Variants in CCDC7 observed in about 807,000 individuals in gnomAD.
CCDC7 encodes the protein coiled-coil domain-containing protein 7.
A neutral mutation model predicts 196.9 loss-of-function variants in CCDC7; 183 were observed. That is an observed-to-expected ratio of 0.93 (90% CI 0.82 to 1.05). CCDC7 has a LOEUF of 1.05. CCDC7 is among the 50% of genes least tolerant of loss of function. The pLI is 0.00. For synonymous variants in CCDC7, 525 were observed against 484.6 expected (o/e 1.08, Z -1.10); for missense variants, 1,540 against 1,482.2 (o/e 1.04, Z -0.64).
At chr10:32,612,498 G>A (rs1403369350) in intron 18 of CCDC7, among the ~76,000 whole-genome samples, 2 of 152,078 alleles carry the variant, frequency 1.3e-5, no homozygotes, top group African/African-American at 4.8e-5. Context: ...TCTCGTGCTG[G>A]TTTTCAAAGG....
At chr10:32,677,018 T>C (rs2075099419) in intron 21 of CCDC7, among the ~76,000 whole-genome samples, 2 of 147,834 alleles carry the variant, frequency 1.4e-5, no homozygotes, top group African/African-American at 5.3e-5. Flanking sequence ...GCACATACCA[T>C]GGAATACTAT....
intron 9 of CCDC7, among the ~76,000 whole-genome samples, chr10:32,493,579 G>A (rs76608138): frequency 0.051 from 7,746 of 151,656 alleles, 646 homozygotes; most frequent in African/African-American, 0.17. Flanking sequence ...TGGTCATTCG[G>A]TAGTTCTGTT....
intron 18 of CCDC7, among the ~76,000 whole-genome samples, chr10:32,613,862 T>C (rs1285193241): frequency 6.6e-6 from 1 of 152,214 alleles, no homozygotes; most frequent in Non-Finnish European, 1.5e-5. Flanking sequence ...GAGAAGAATG[T>C]ATATTCTGTT....
chr10:32,469,017 A>G (rs997568884), intron 5 of CCDC7, among the ~76,000 whole-genome samples: 1 of 152,230 alleles, frequency 6.6e-6, no homozygotes, highest in Non-Finnish European at 1.5e-5. Context: ...TCTTGCTGGA[A>G]TCTGTGCCCC....
At position 32,685,962 on chromosome 10, in the gene CCDC7, T is replaced by C; in HGVS notation, c.2123-8T>C. ...ATTTAGTGGAATAAATGTATTTTCT[T>C]TATGTAGCTCATAATGAAGTACCAA... On this transcript the variant is annotated splice_region_variant and splice_polypyrimidine_tract_variant and intron_variant, in intron 21 of 41. Transcript: ENST00000639629. 1 of 1,411,634 alleles carries C rather than the reference T, an allele frequency of 7.1e-7. No homozygotes were observed. Among genetic ancestry groups the C allele is most frequent in the Non-Finnish European group, 9.7e-7 (1 of 1,032,282 alleles). The allele number at this position is 1,411,634 out of a possible 1,614,324, so 87.4% of individuals were successfully genotyped here.
chr10:32,478,988 G>C (rs1314777934), intron 8 of CCDC7, among the ~76,000 whole-genome samples: 2 of 151,966 alleles, frequency 1.3e-5, no homozygotes, highest in Non-Finnish European at 2.9e-5. Flanking sequence ...TTTTAAATAG[G>C]CCTATTCATA....
intron 40 of CCDC7, 71 bp from the exon 42 acceptor site, chr10:32,854,328 AT>A: frequency 2.2e-6 from 2 of 916,646 alleles, no homozygotes; most frequent in South Asian, 3.3e-5. Flanking sequence ...ACTAAGATTT[AT>A]TTTAACATTT....
intron 9 of CCDC7, among the ~76,000 whole-genome samples, chr10:32,494,202 T>C (rs1405310567): frequency 6.6e-6 from 1 of 152,164 alleles, no homozygotes; most frequent in East Asian, 1.9e-4. Context: ...TCATTTTGGG[T>C]CTATTTTTGT....
At chr10:32,533,524 C>T (rs1200763430) in intron 11 of CCDC7, among the ~76,000 whole-genome samples, 2 of 151,668 alleles carry the variant, frequency 1.3e-5, no homozygotes, top group African/African-American at 2.4e-5. Flanking sequence ...TTATTTTGCA[C>T]GTTGGTGTTT....
intron 24 of CCDC7, among the ~76,000 whole-genome samples, chr10:32,698,984 C>G (rs980513034): frequency 3.3e-5 from 5 of 152,168 alleles, no homozygotes; most frequent in Non-Finnish European, 7.4e-5. Context: ...AAGGGAAGCC[C>G]ATCAGACTAA....
Position 32,488,842 on chromosome 10 carries a change from A to G in CCDC7, c.797-3080A>G, listed in dbSNP as rs76735289. Among the ~76,000 whole-genome samples, 1,308 of 152,312 alleles carry G rather than the reference A, an allele frequency of 8.6e-3. 27 individuals carry two copies. Among genetic ancestry groups the G allele is most frequent in the African/African-American group, 0.029 (1,207 of 41,552 alleles). On this transcript the variant is annotated intron_variant, in intron 8 of 41. Coordinates refer to ENST00000639629, the Ensembl canonical transcript of CCDC7. ...CTTCTAGACTTTATGGACTAGTTTT[A>G]TATGAAAAGATCTTCACCTATGGGT...
intron 33 of CCDC7, among the ~76,000 whole-genome samples, chr10:32,837,156 A>T (rs1382374215): frequency 6.6e-6 from 1 of 152,170 alleles, no homozygotes; most frequent in Non-Finnish European, 1.5e-5. Flanking sequence ...AATGGAAGAA[A>T]ATTTTTGCAA....
chr10:32,839,761 A>G lies in CCDC7; in HGVS notation c.3352+4863A>G, dbSNP rs1054574074. 2.0e-5 allele frequency among the ~76,000 whole-genome samples: 3 copies of G among 152,108 alleles called. No homozygotes were observed. In the South Asian group the frequency reaches 6.2e-4, roughly 32 times the overall value. ...TAGACCATATGACAGGCCACAAAACAAGTCTCAGTAAATTTAAGAAAATCG... is the reference window on the plus strand; with the variant it reads ...TAGACCATATGACAGGCCACAAAACGAGTCTCAGTAAATTTAAGAAAATCG... On this transcript the variant is annotated intron_variant, in intron 33 of 41. Transcript: ENST00000639629.
intron 20 of CCDC7, among the ~76,000 whole-genome samples, chr10:32,644,561 C>T (rs1198698671): frequency 1.3e-5 from 2 of 152,160 alleles, no homozygotes; most frequent in Non-Finnish European, 2.9e-5. Flanking sequence ...TATGGTTTGG[C>T]TATGTTCCCA....
intron 18 of CCDC7, among the ~76,000 whole-genome samples, chr10:32,594,366 A>G (rs1397781811): frequency 1.3e-5 from 2 of 152,182 alleles, no homozygotes; most frequent in African/African-American, 2.4e-5. Context: ...TTATTGGTGT[A>G]TAAGAATGCT....
chr10:32,543,257 G>T (rs752347059), intron 11 of CCDC7, 43 bp from the exon 13 acceptor site: 1 of 1,317,556 alleles, frequency 7.6e-7, no homozygotes. Flanking sequence ...ATAACTTATT[G>T]TGTTTTTAAC....
chr10:32,718,800 G>T (rs564922341), intron 25 of CCDC7, among the ~76,000 whole-genome samples: 17 of 152,136 alleles, frequency 1.1e-4, no homozygotes, highest in African/African-American at 3.9e-4. Flanking sequence ...AAAATACCTA[G>T]GAATACAGCT....
chr10:32,730,696 A>C (rs1217994265), intron 28 of CCDC7, among the ~76,000 whole-genome samples: 4 of 151,830 alleles, frequency 2.6e-5, no homozygotes, highest in Admixed American at 1.3e-4. Context: ...AACATATAGT[A>C]ATTAACATAT....
At chr10:32,477,259 A>T (rs1005288248) in intron 8 of CCDC7, among the ~76,000 whole-genome samples, 1 of 151,362 alleles carries the variant, frequency 6.6e-6, no homozygotes, top group Admixed American at 6.6e-5. Context: ...GCTGGAGTAC[A>T]ATGGTGCAAT....
Sources: allele counts gnomAD v4.1 joint callset (sites outside exome capture counted in the v4.1 genomes callset), GRCh38; gene constraint gnomAD v4.1.1; transcripts MANE v1.5; gene names NCBI Gene and HGNC (gene_info 2026-07-23, HGNC 2026-07-21).